Variants in TCF7L1 observed in about 807,000 individuals in gnomAD.
TCF7L1 encodes the protein transcription factor 7 like 1, also known as transcription factor 7-like 1.
Under a neutral mutation model 63.7 loss-of-function variants are expected in TCF7L1, and 18 were observed. The ratio of observed to expected loss-of-function variants is 0.28; its 90% CI spans 0.20 to 0.42. The LOEUF (loss-of-function observed/expected upper bound fraction) is 0.42. Among genes scored for constraint, TCF7L1 ranks in the 10% least tolerant of loss-of-function variants. The probability of loss-of-function intolerance (pLI) is 1.00; values close to 1 mark genes in which losing one functional copy is unlikely to be tolerated. For missense variants in TCF7L1, 654 were observed against 779.3 expected (o/e 0.84, Z 1.91); for synonymous variants, 355 against 340.9 (o/e 1.04, Z -0.46).
chr2:85,249,729 C>T (rs1371858312), intron 3 of TCF7L1, among the ~76,000 whole-genome samples: 2 of 152,172 alleles, frequency 1.3e-5, no homozygotes, highest in African/African-American at 4.8e-5. Flanking sequence ...AGTTTTTGCA[C>T]ACTGGGCCTC....
chr2:85,281,726 C>T (rs930593588), intron 3 of TCF7L1, among the ~76,000 whole-genome samples: 2 of 152,292 alleles, frequency 1.3e-5, no homozygotes, highest in Non-Finnish European at 1.5e-5. Flanking sequence ...CCAGGTCTCC[C>T]GCGCCAGGCC....
intron 3 of TCF7L1, among the ~76,000 whole-genome samples, chr2:85,155,925 C>T (rs760568105): frequency 7.9e-5 from 12 of 152,042 alleles, no homozygotes; most frequent in Non-Finnish European, 1.8e-4. Flanking sequence ...AACAAAAGGC[C>T]CAGCTTGGTT....
chr2:85,244,982 T>C (rs1387839131), intron 3 of TCF7L1, among the ~76,000 whole-genome samples: 2 of 152,128 alleles, frequency 1.3e-5, no homozygotes, highest in Admixed American at 1.3e-4. Flanking sequence ...GGGCTGCTGC[T>C]GAAGGTCGAG....
At chr2:85,292,555 T>C (rs935394827) in intron 4 of TCF7L1, among the ~76,000 whole-genome samples, 1 of 152,184 alleles carries the variant, frequency 6.6e-6, no homozygotes, top group Non-Finnish European at 1.5e-5. Context: ...TTTTGTAGAC[T>C]TTATGTCTTA....
rs186617480 is a variant in TCF7L1 at position 85,240,641 on chromosome 2, G to C, written c.442-42854G>C. Among the ~76,000 whole-genome samples, 6 of 151,926 alleles carry C rather than the reference G, an allele frequency of 3.9e-5. No individual in the cohort carries two copies. The East Asian group carries it at 1.2e-3, about 29-fold the overall frequency. On this transcript the variant is annotated intron_variant, in intron 3 of 11. Coordinates refer to ENST00000282111, the MANE Select transcript of TCF7L1 (RefSeq NM_031283.3). ...ACAAAAAAAAAAAAAAAATTAGCTG[G>C]ACATGGTGGCGAGTGCCTGTAATCC...
intron 3 of TCF7L1, among the ~76,000 whole-genome samples, chr2:85,211,249 C>G (rs551669737): frequency 6.6e-6 from 1 of 152,208 alleles, no homozygotes; most frequent in African/African-American, 2.4e-5. Flanking sequence ...TTGTCTGGAA[C>G]CACCACGATG....
chr2:85,148,068 T>G (rs10520405), intron 3 of TCF7L1, among the ~76,000 whole-genome samples: 8,340 of 152,292 alleles, frequency 0.055, 335 homozygotes, highest in Non-Finnish European at 0.086. Flanking sequence ...GAAAACACTT[T>G]GCTTTCTACT....
intron 3 of TCF7L1, among the ~76,000 whole-genome samples, chr2:85,269,533 C>G (rs977275944): frequency 6.6e-6 from 1 of 152,218 alleles, no homozygotes; most frequent in African/African-American, 2.4e-5. Context: ...GTTGCCCAGG[C>G]TACTGTTGAA....
intron 3 of TCF7L1, among the ~76,000 whole-genome samples, chr2:85,187,525 T>C (rs1678953014): frequency 6.6e-6 from 1 of 152,218 alleles, no homozygotes; most frequent in Non-Finnish European, 1.5e-5. Flanking sequence ...AGGTGTAATG[T>C]TTAGGTTGAG....
chr2:85,308,441 C>CTCCCTCCT (rs1558663488), intron 11 of TCF7L1, among the ~76,000 whole-genome samples: 1 of 84,722 alleles, frequency 1.2e-5, no homozygotes, highest in African/African-American at 5.5e-5. Flanking sequence ...TTCTCCCTCC[C>CTCCCTCCT]TTTCTCTTTC....
intron 3 of TCF7L1, among the ~76,000 whole-genome samples, chr2:85,257,674 G>A (rs1236900345): frequency 6.6e-6 from 1 of 152,152 alleles, no homozygotes. Flanking sequence ...GACCCTGACT[G>A]GCTTCCCCTT....
At chr2:85,304,457 C>T (rs1279551673) in intron 7 of TCF7L1, 119 bp downstream of exon 7, 1 of 962,362 alleles carries the variant, frequency 1.0e-6, no homozygotes, top group Non-Finnish European at 1.5e-6. Flanking sequence ...CTCCCCCCAC[C>T]TCTCTTTGAT....
At chr2:85,219,189 A>G (rs901989256) in intron 3 of TCF7L1, among the ~76,000 whole-genome samples, 7 of 152,212 alleles carry the variant, frequency 4.6e-5, no homozygotes, top group African/African-American at 1.2e-4. Flanking sequence ...ATGCTGTTGT[A>G]TGCTTTCCAT....
At chr2:85,265,914 G>A (rs1410871812) in intron 3 of TCF7L1, among the ~76,000 whole-genome samples, 1 of 152,102 alleles carries the variant, frequency 6.6e-6, no homozygotes, top group Non-Finnish European at 1.5e-5. Context: ...CTCCCAGAGA[G>A]ATTAAGTTCA....
intron 3 of TCF7L1, among the ~76,000 whole-genome samples, chr2:85,266,347 C>T (rs930596494): frequency 8.5e-5 from 13 of 152,226 alleles, no homozygotes; most frequent in Admixed American, 8.5e-4. Context: ...TTTCCCACCA[C>T]CAGGGTATTA....
At chr2:85,307,488 C>G (rs1375662411) in intron 10 of TCF7L1, among the ~76,000 whole-genome samples, 154 bp from the exon 11 acceptor site, 2 of 152,076 alleles carry the variant, frequency 1.3e-5, no homozygotes, top group Non-Finnish European at 2.9e-5. Flanking sequence ...CTCACGGGCT[C>G]CCACGGCTGT....
intron 3 of TCF7L1, among the ~76,000 whole-genome samples, chr2:85,196,984 A>G (rs1418651022): frequency 6.6e-6 from 1 of 151,958 alleles, no homozygotes; most frequent in East Asian, 1.9e-4. Context: ...AGGCCATCCA[A>G]ACTCCACGGT....
intron 11 of TCF7L1, 52 bp downstream of exon 11, chr2:85,307,769 A>G: frequency 6.6e-7 from 1 of 1,516,404 alleles, no homozygotes. Context: ...TGTCACAGCC[A>G]CACCTGCCCA....
At chr2:85,285,164 C>T (rs1681514295) in intron 4 of TCF7L1, among the ~76,000 whole-genome samples, 1 of 151,692 alleles carries the variant, frequency 6.6e-6, no homozygotes, top group Non-Finnish European at 1.5e-5. Flanking sequence ...ACCCCGGAGG[C>T]GGAGCTGATA....
Sources: allele counts gnomAD v4.1 joint callset (sites outside exome capture counted in the v4.1 genomes callset), GRCh38; gene constraint gnomAD v4.1.1; transcripts MANE v1.5; gene names NCBI Gene and HGNC (gene_info 2026-07-23, HGNC 2026-07-21).